Variants in TMPRSS11D observed in about 807,000 individuals in gnomAD.
TMPRSS11D encodes the protein transmembrane protease serine 11D.
TMPRSS11D carries 32 observed loss-of-function variants against 44.4 expected under a neutral mutation model. The ratio of observed to expected loss-of-function variants is 0.72; its 90% CI spans 0.54 to 0.97. The LOEUF (loss-of-function observed/expected upper bound fraction) is 0.97. TMPRSS11D is among the 50% of genes least tolerant of loss of function. The pLI is 0.00. For missense variants in TMPRSS11D, 446 were observed against 502.6 expected, an observed-to-expected ratio of 0.89 and a Z score of 1.08; for synonymous variants, 179 against 177.9, an observed-to-expected ratio of 1.01 and a Z score of -0.05.
intron 1 of TMPRSS11D, 119 bp downstream of exon 1, chr4:67,883,807 A>G (rs1719384576): frequency 1.4e-6 from 1 of 699,806 alleles, no homozygotes; most frequent in East Asian, 2.8e-5. Flanking sequence ...TGAAGTTTTC[A>G]GAGAAGTAAC....
rs1290125842 is a variant in TMPRSS11D, at chr4:67,842,575, A to T, written c.300T>A (p.Ala100=). ...ESNLRNQFIR[A]HVAKLRQDGS... is the part of the protein sequence containing the mutation. ...CCACTCACCTCAGTTTGGCAACATG[A>T]GCTCTGATGAACTGATTTCTTAAAT... Residue 100 remains alanine, a synonymous_variant, in exon 4 of 10, where the codon GCT becomes GCA. Transcript: ENST00000283916. The T allele has an allele frequency of 2.2e-5, 35 of 1,610,306 alleles. No homozygotes were observed. Among genetic ancestry groups the T allele is most frequent in the Non-Finnish European group, 3.0e-5 (35 of 1,179,116 alleles).
intron 9 of TMPRSS11D, among the ~76,000 whole-genome samples, chr4:67,823,546 G>A (rs755081018): frequency 1.3e-5 from 2 of 152,128 alleles, no homozygotes; most frequent in African/African-American, 4.8e-5. Context: ...AGCACTTTGA[G>A]TACAGCTTAG....
intron 1 of TMPRSS11D, among the ~76,000 whole-genome samples, chr4:67,862,955 A>G (rs1036549484): frequency 1.3e-5 from 2 of 152,012 alleles, no homozygotes; most frequent in African/African-American, 4.8e-5. Context: ...TACCTAATGT[A>G]AATGACGAGT....
At chr4:67,854,993 A>G (rs955430277) in intron 2 of TMPRSS11D, among the ~76,000 whole-genome samples, 1 of 117,138 alleles carries the variant, frequency 8.5e-6, no homozygotes, top group Non-Finnish European at 1.8e-5. Flanking sequence ...GCAGTGGCTC[A>G]TGCCTGTAAT....
intron 3 of TMPRSS11D, among the ~76,000 whole-genome samples, chr4:67,852,601 A>G (rs1718535046): frequency 6.6e-6 from 1 of 152,194 alleles, no homozygotes; most frequent in African/African-American, 2.4e-5. Flanking sequence ...AGTTATGAGG[A>G]GACTGCAGGA....
At chr4:67,843,104 CTTT>C (rs35756612) in intron 3 of TMPRSS11D, among the ~76,000 whole-genome samples, 17 of 109,380 alleles carry the variant, frequency 1.6e-4, no homozygotes, top group Admixed American at 3.8e-4. Context: ...AAAGGGCAGT[CTTT>C]TTTTTTTTTT....
intron 2 of TMPRSS11D, among the ~76,000 whole-genome samples, chr4:67,856,091 C>G (rs1189306560): frequency 6.6e-6 from 1 of 152,108 alleles, no homozygotes; most frequent in African/African-American, 2.4e-5. Context: ...TCAATGCAAT[C>G]CCTATCAAAA....
chr4:67,854,118 A>T lies in TMPRSS11D; in HGVS notation c.199T>A (p.Ser67Thr), dbSNP rs1429384377. The T allele has an allele frequency of 6.2e-7, 1 of 1,601,024 alleles. No homozygotes were observed. Among genetic ancestry groups the T allele is most frequent in the Middle Eastern group, 1.7e-4 (1 of 6,024 alleles). The change falls in exon 3 of 10, where the codon TCA becomes ACA. Residue 67 changes from serine (S) to threonine (T), a missense_variant. Ser to Thr is a moderately conservative substitution (Grantham distance 58). Transcript: ENST00000283916. Reference protein sequence around the residue: ...LNVEYNSQLNSPATQEYRTLS... With the variant: ...LNVEYNSQLNTPATQEYRTLS... Reference sequence around the variant, plus strand: ...GTCCTGTATTCCTGTGTAGCTGGTGAATTTAACTGACTATTATATTCAACA... The same window carrying T: ...GTCCTGTATTCCTGTGTAGCTGGTGTATTTAACTGACTATTATATTCAACA...
rs1717660325 is a variant in TMPRSS11D at position 67,822,223 on chromosome 4, C to T, written c.*114G>A. 28 of 1,176,434 alleles carry T rather than the reference C, an allele frequency of 2.4e-5. No homozygotes were observed. The highest frequency in any genetic ancestry group is 3.4e-5 in the Non-Finnish European group (28 of 827,492). 72.9% of individuals were successfully genotyped at this position (1,176,434 alleles called of 1,614,324 possible). ...TGTTTGTTAAACCATATTTATGTAA[C>T]AAGATGTTAAATTAGGACATTTCTA... On this transcript the variant is annotated 3_prime_UTR_variant, in exon 10 of 10. Transcript: ENST00000283916.
In TMPRSS11D at chr4:67,833,374, C is replaced by A. The variant is rs767035472; in HGVS notation, c.522G>T (p.Gly174=). 1 of 1,500,574 alleles carries A rather than the reference C, an allele frequency of 6.7e-7. No homozygotes were observed. Among genetic ancestry groups the A allele is most frequent in the East Asian group, 2.5e-5 (1 of 39,488 alleles). 93.0% of individuals were successfully genotyped at this position (1,500,574 alleles called of 1,614,324 possible). A position where few individuals can be genotyped will look rare whatever the true frequency, so the allele number is the denominator to read the frequency against. ...AAANWLINEC[G]AGPDLITLSE... ...ACAATGTTATTAGGTCTGGACCGGC[C>A]CCACATTCTAATGAGAAAGGGCATT... The change falls in exon 7 of 10, where the codon GGG becomes GGT. Residue 174 remains glycine, a synonymous_variant. Coordinates refer to ENST00000283916, the MANE Select transcript of TMPRSS11D (RefSeq NM_004262.3).
intron 1 of TMPRSS11D, among the ~76,000 whole-genome samples, chr4:67,867,500 G>A (rs991683582): frequency 6.6e-6 from 1 of 152,084 alleles, no homozygotes; most frequent in African/African-American, 2.4e-5. Flanking sequence ...AAACTAAAAA[G>A]CTTCTGCACA....
At chr4:67,879,920 A>G (rs1719281197) in intron 1 of TMPRSS11D, among the ~76,000 whole-genome samples, 1 of 152,230 alleles carries the variant, frequency 6.6e-6, no homozygotes, top group South Asian at 2.1e-4. Flanking sequence ...GTCGATATTT[A>G]AGTTATGGGT....
chr4:67,834,976 G>T, intron 6 of TMPRSS11D, 107 bp downstream of exon 6: 1 of 974,226 alleles, frequency 1.0e-6, no homozygotes, highest in Non-Finnish European at 1.6e-6. Context: ...TAAGAACAAA[G>T]ACATCAACTT....
intron 6 of TMPRSS11D, among the ~76,000 whole-genome samples, chr4:67,834,630 C>G (rs1187283570): frequency 6.6e-6 from 1 of 152,188 alleles, no homozygotes; most frequent in Non-Finnish European, 1.5e-5. Flanking sequence ...GTTATAGACC[C>G]AAAGCTGGGA....
chr4:67,833,157 C>A (rs1482442148), intron 7 of TMPRSS11D, 47 bp downstream of exon 7: 2 of 1,350,192 alleles, frequency 1.5e-6, no homozygotes, highest in African/African-American at 1.5e-5. Flanking sequence ...TCTTCATGAC[C>A]TGTCTATTCT....
chr4:67,841,903 A>G (rs1718240010), intron 4 of TMPRSS11D, among the ~76,000 whole-genome samples: 1 of 152,204 alleles, frequency 6.6e-6, no homozygotes, highest in African/African-American at 2.4e-5. Context: ...CTCTTCTACC[A>G]AAGAACTATT....
chr4:67,876,508 A>G (rs771912473), intron 1 of TMPRSS11D, among the ~76,000 whole-genome samples: 4 of 152,208 alleles, frequency 2.6e-5, no homozygotes, highest in Non-Finnish European at 5.9e-5. Context: ...ATATATTTTT[A>G]TAATAACATT....
chr4:67,834,814 A>G (rs942064591), intron 6 of TMPRSS11D, among the ~76,000 whole-genome samples: 11 of 152,202 alleles, frequency 7.2e-5, no homozygotes, highest in Non-Finnish European at 1.2e-4. Context: ...AAAGCTGCCA[A>G]AGAAATTTTC....
At chr4:67,868,655 A>G (rs1463831219) in intron 1 of TMPRSS11D, among the ~76,000 whole-genome samples, 3 of 152,218 alleles carry the variant, frequency 2.0e-5, no homozygotes, top group African/African-American at 7.2e-5. Context: ...ATCTAGAAAA[A>G]TAAGTCTGGT....
Sources: gnomAD v4.1 joint callset for allele counts (sites outside exome capture counted in the v4.1 genomes callset) on GRCh38, gnomAD v4.1.1 for gene constraint, MANE v1.5 for transcripts, NCBI Gene and HGNC (gene_info 2026-07-23, HGNC 2026-07-21) for gene names.